The following KIAA0753 variants were observed in gnomAD, a reference collection of about 807,000 sequenced individuals.
The protein encoded by KIAA0753 is protein moonraker.
Under a neutral mutation model 116.9 loss-of-function variants are expected in KIAA0753, and 114 were observed. The ratio of observed to expected loss-of-function variants is 0.98; its 90% CI spans 0.84 to 1.14. KIAA0753 has a LOEUF of 1.14. Ranked by LOEUF, KIAA0753 falls within the 50% of genes most tolerant of loss-of-function variation. The pLI is 0.00. For synonymous variants in KIAA0753, 405 were observed against 413.1 expected, an observed-to-expected ratio of 0.98 and a Z score of 0.24; for missense variants, 1,156 against 1,172.4, an observed-to-expected ratio of 0.99 and a Z score of 0.20.
chr17:6,599,284 T>A lies in KIAA0753; in HGVS notation c.2125A>T (p.Lys709Ter), dbSNP rs776681288. ...NSTTEANIHL[K>*]DGSSVNTAKA... Reference sequence around the variant, plus strand: ...GCTGTGTTTACTGACGAGCCATCTTTCAAATGAATATTTGCTTCTGTAGTA... The same window carrying A: ...GCTGTGTTTACTGACGAGCCATCTTACAAATGAATATTTGCTTCTGTAGTA... The change falls in exon 14 of 19, where the codon AAA (lysine) becomes TAA (stop). Residue 709 changes from lysine (K) to a stop codon, truncating the protein, a stop_gained. Coordinates refer to ENST00000361413, the MANE Select transcript of KIAA0753 (RefSeq NM_014804.3). LOFTEE classifies it high-confidence loss of function. The A allele has an allele frequency of 1.2e-6, 2 of 1,613,876 alleles. No homozygotes were observed. Among genetic ancestry groups the A allele is most frequent in the South Asian group, 2.2e-5 (2 of 91,088 alleles).
At position 6,608,380 on chromosome 17, in the gene KIAA0753, G is replaced by A; in HGVS notation, c.1797C>T (p.His599=). ...CTTCATGCTCAACAGCACCTGTCAG[G>A]TGACTTTCCTCTTGAGGATCTTCTT... ...LQQEDPQEES[H]LTGAVEHEAA... is the part of the protein sequence containing the mutation. Residue 599 remains histidine, a synonymous_variant, in exon 10 of 19, where the codon CAC becomes CAT. Coordinates refer to ENST00000361413, the MANE Select transcript of KIAA0753 (RefSeq NM_014804.3). 1.9e-6 allele frequency: 3 copies of A among 1,553,348 alleles called. No individual in the cohort carries two copies. The South Asian group carries it at 3.6e-5, about 19-fold the overall frequency.
Position 6,603,253 on chromosome 17 carries a change from T to G in KIAA0753, c.2010-2795A>C, listed in dbSNP as rs567436641. Among the ~76,000 whole-genome samples the G allele has an allele frequency of 2.3e-4, 35 of 150,642 alleles. No individual in the cohort carries two copies. In the South Asian group the frequency reaches 6.1e-3, roughly 26 times the overall value. ...GAACAGGAGTTTCAGAAACAGAGAA[T>G]AGAGAAAACAGAGACAAGAAAAAAA... On this transcript the variant is annotated intron_variant, in intron 12 of 18. Coordinates refer to ENST00000361413, the MANE Select transcript of KIAA0753 (RefSeq NM_014804.3).
chr17:6,608,533 G>T, intron 9 of KIAA0753, 69 bp from the exon 10 acceptor site: 1 of 786,992 alleles, frequency 1.3e-6, no homozygotes, highest in Non-Finnish European at 1.9e-6. Flanking sequence ...CCAAGTAGGT[G>T]CCAGCTCAGA....
chr17:6,629,408 T>A (rs781685579), intron 2 of KIAA0753, among the ~76,000 whole-genome samples: 1 of 152,250 alleles, frequency 6.6e-6, no homozygotes, highest in Non-Finnish European at 1.5e-5. Context: ...GGTCTTTTCA[T>A]GCCTAACTAT....
chr17:6,618,243 T>C (rs191930915), intron 7 of KIAA0753, among the ~76,000 whole-genome samples: 1 of 152,334 alleles, frequency 6.6e-6, no homozygotes, highest in African/African-American at 2.4e-5. Context: ...ATATTATAAT[T>C]TGTCCTACGC....
intron 7 of KIAA0753, among the ~76,000 whole-genome samples, chr17:6,616,821 G>A (rs1970965742): frequency 2.0e-5 from 3 of 152,130 alleles, no homozygotes; most frequent in African/African-American, 2.4e-5. Context: ...GCAAGACTAC[G>A]TCTCAAAATA....
intron 17 of KIAA0753, 31 bp from the exon 18 acceptor site, chr17:6,590,034 C>G (rs780642123): frequency 6.8e-7 from 1 of 1,462,950 alleles, no homozygotes; most frequent in Non-Finnish European, 9.2e-7. Context: ...TGAAAGCATT[C>G]AAGATCATCT....
At chr17:6,627,854 T>G (rs1292301619) in intron 3 of KIAA0753, among the ~76,000 whole-genome samples, 1 of 152,216 alleles carries the variant, frequency 6.6e-6, no homozygotes, top group African/African-American at 2.4e-5. Context: ...CCTCGTAGGC[T>G]GGGCCCTCAG....
chr17:6,619,551 C>T (rs1182049355), intron 7 of KIAA0753, among the ~76,000 whole-genome samples: 1 of 152,058 alleles, frequency 6.6e-6, no homozygotes, highest in Non-Finnish European at 1.5e-5. Context: ...CTCAGCCTTC[C>T]AAGTAGCTGG....
At chr17:6,614,306 C>T (rs1200397731) in intron 7 of KIAA0753, among the ~76,000 whole-genome samples, 1 of 152,076 alleles carries the variant, frequency 6.6e-6, no homozygotes, top group African/African-American at 2.4e-5. Flanking sequence ...ACAGAGGAAG[C>T]CAGGAACACA....
In KIAA0753 at chr17:6,578,176, G is replaced by T. The variant is rs1237239322; in HGVS notation, c.*1571C>A. 5 of 151,746 alleles carry T rather than the reference G, an allele frequency of 3.3e-5. No individual in the cohort carries two copies. The highest frequency in any genetic ancestry group is 3.3e-4 in the Admixed American group (5 of 15,220). 9.4% of individuals were successfully genotyped at this position (151,746 alleles called of 1,614,324 possible). On this transcript the variant is annotated 3_prime_UTR_variant, in exon 19 of 19. Transcript: ENST00000361413. ...TGCTCAATAAATGTTAGCTTTTATTGTCACTAATTTTTTTCTCGGGGGGAA... is the reference window on the plus strand; with the variant it reads ...TGCTCAATAAATGTTAGCTTTTATTTTCACTAATTTTTTTCTCGGGGGGAA...
At chr17:6,600,317 G>T in intron 13 of KIAA0753, 63 bp downstream of exon 13, 3 of 1,281,876 alleles carry the variant, frequency 2.3e-6, no homozygotes, top group Non-Finnish European at 3.4e-6. Flanking sequence ...GACCTCTGCA[G>T]CAACTCATTT....
rs774498721 is a variant in KIAA0753, at chr17:6,610,008, T to G, written c.1698A>C (p.Pro566=). 1 of 1,614,048 alleles carries G rather than the reference T, an allele frequency of 6.2e-7. No homozygotes were observed. The highest frequency in any genetic ancestry group is 1.7e-5 in the Admixed American group (1 of 60,016). Residue 566 remains proline (P), a synonymous_variant, in exon 9 of 19, where the codon CCA becomes CCC. Coordinates refer to ENST00000361413, the MANE Select transcript of KIAA0753 (RefSeq NM_014804.3). Reference sequence around the variant, plus strand: ...TTTTCACATACCATTTAGGAGACGCTGGTGGGGATGTGGGGTTTGGGGGTA... The same window carrying G: ...TTTTCACATACCATTTAGGAGACGCGGGTGGGGATGTGGGGTTTGGGGGTA... The part of the protein sequence containing the change: ...PWIPPNPTSP[P]ASPKCAAWLK...
At chr17:6,602,649 G>T (rs1969950290) in intron 12 of KIAA0753, among the ~76,000 whole-genome samples, 1 of 152,144 alleles carries the variant, frequency 6.6e-6, no homozygotes, top group African/African-American at 2.4e-5. Flanking sequence ...AGACATGTGG[G>T]TACTTTCTAG....
Position 6,612,078 on chromosome 17 carries a change from C to T in KIAA0753, c.1386G>A (p.Ala462=), listed in dbSNP as rs774300856. The change falls in exon 8 of 19, where the codon GCG becomes GCA. Residue 462 remains alanine (A), a synonymous_variant. Transcript: ENST00000361413. Reference sequence around the variant, plus strand: ...ATGGTCCTTCTTCCAGAACTATATCCGCATCTAATACATCAAGCTCACTCT... The same window carrying T: ...ATGGTCCTTCTTCCAGAACTATATCTGCATCTAATACATCAAGCTCACTCT... The part of the protein sequence containing the change: ...RLQSELDVLD[A]DIVLEEGPFI... The T allele has an allele frequency of 4.7e-5, 76 of 1,614,032 alleles. No homozygotes were observed. The highest frequency in any genetic ancestry group is 6.0e-5 in the Non-Finnish European group (71 of 1,179,998).
At chr17:6,624,536 CCACACACACA>C (rs55849399) in intron 4 of KIAA0753, among the ~76,000 whole-genome samples, 5 of 143,910 alleles carry the variant, frequency 3.5e-5, no homozygotes, top group East Asian at 2.1e-4. Context: ...GAGTTTGGCG[CCACACACACA>C]CACACACACA....
intron 3 of KIAA0753, 39 bp from the exon 4 acceptor site, chr17:6,624,900 A>C: frequency 1.5e-6 from 2 of 1,315,572 alleles, no homozygotes; most frequent in East Asian, 5.0e-5. Flanking sequence ...GTGGATTATA[A>C]ACCATATATT....
At chr17:6,609,971 C>A in intron 9 of KIAA0753, 23 bp downstream of exon 9, 1 of 1,612,064 alleles carries the variant, frequency 6.2e-7, no homozygotes, top group Non-Finnish European at 8.5e-7. Flanking sequence ...CATACACAAA[C>A]GGTCCCTTGA....
chr17:6,605,088 G>GAAA (rs35631503), intron 12 of KIAA0753, among the ~76,000 whole-genome samples: 5 of 75,816 alleles, frequency 6.6e-5, no homozygotes, highest in African/African-American at 1.3e-4. Flanking sequence ...TCTCTAACTT[G>GAAA]AAAAAAAAAA....
Sources: gnomAD v4.1 joint callset for allele counts (sites outside exome capture counted in the v4.1 genomes callset) on GRCh38, gnomAD v4.1.1 for gene constraint, MANE v1.5 for transcripts, NCBI Gene and HGNC (gene_info 2026-07-23, HGNC 2026-07-21) for gene names.